The following LYST variants were observed in gnomAD, a reference collection of about 807,000 sequenced individuals.
LYST encodes the protein lysosomal trafficking regulator.
In LYST, 192 loss-of-function variants were observed where a neutral mutation model predicts 413.6. That is an observed-to-expected ratio of 0.46 (90% CI 0.41 to 0.52). The LOEUF is 0.52. Ranked by LOEUF, LYST falls within the 20% of genes least tolerant of loss-of-function variation. The pLI, the probability that LYST is intolerant of heterozygous loss-of-function variation, is 0.00. For synonymous variants in LYST, 1,525 were observed against 1,567.3 expected (o/e 0.97, Z 0.64); for missense variants, 3,815 against 4,499.9 (o/e 0.85, Z 4.35).
In LYST at chr1:235,806,296, T is replaced by G. The variant is rs752686730; in HGVS notation, c.2840A>C (p.Glu947Ala). The part of the protein sequence containing the change: ...LSHMLPCISL[E>A]SLVLPSPEHM... ...TTCAGGAGAAGGCAAGACAAGGCTCTCGAGAGATATACATGGCAGCATATG... is the reference window on the plus strand; with the variant it reads ...TTCAGGAGAAGGCAAGACAAGGCTCGCGAGAGATATACATGGCAGCATATG... The change falls in exon 6 of 53, where the codon GAG becomes GCG. Residue 947 changes from glutamate to alanine, a missense_variant. Physicochemically the swap from Glu to Ala is moderately radical, Grantham distance 107. Coordinates refer to ENST00000389793, the MANE Select transcript of LYST (RefSeq NM_000081.4). The G allele has an allele frequency of 6.2e-7, 1 of 1,614,062 alleles. No individual in the cohort carries two copies. The highest frequency in any genetic ancestry group is 8.5e-7 in the Non-Finnish European group (1 of 1,179,992).
At chr1:235,782,599 C>T (rs908430969) in intron 14 of LYST, among the ~76,000 whole-genome samples, 2 of 152,118 alleles carry the variant, frequency 1.3e-5, no homozygotes, top group Non-Finnish European at 2.9e-5. Context: ...AAGAGAGATA[C>T]CTGATGATCC....
chr1:235,867,104 GC>G (rs1414378531), upstream of LYST, among the ~76,000 whole-genome samples: 1 of 152,200 alleles, frequency 6.6e-6, no homozygotes. Context: ...GCGTGGAACT[GC>G]CGAGCCAATA....
At chr1:235,862,806 A>AACAAACAC (rs1249225236) in intron 1 of LYST, among the ~76,000 whole-genome samples, 5 of 121,536 alleles carry the variant, frequency 4.1e-5, no homozygotes, top group East Asian at 2.2e-4. Context: ...AAAACAAACA[A>AACAAACAC]ACACACACAC....
rs113076324 is a variant in LYST at position 235,741,818 on chromosome 1, T to A, written c.8152-190A>T. Among the ~76,000 whole-genome samples the A allele has an allele frequency of 3.0e-3, 459 of 152,268 alleles. 4 individuals carry two copies. Among genetic ancestry groups the A allele is most frequent in the African/African-American group, 0.011 (439 of 41,540 alleles). On this transcript the variant is annotated intron_variant, in intron 30 of 52. Transcript: ENST00000389793. ...AAAAGAGATGGGCATACAACATTCA[T>A]AGCAGCATCACTCAAAATAGCCAAA...
chr1:235,834,548 C>A (rs956767032), intron 1 of LYST, among the ~76,000 whole-genome samples: 3 of 151,994 alleles, frequency 2.0e-5, no homozygotes, highest in Non-Finnish European at 4.4e-5. Flanking sequence ...CAGGAGTGAT[C>A]TTTAATTACT....
intron 3 of LYST, among the ~76,000 whole-genome samples, chr1:235,818,173 A>AAAG (rs1327638041): frequency 6.6e-6 from 1 of 152,136 alleles, no homozygotes; most frequent in South Asian, 2.1e-4. Context: ...TTTAAAAAAG[A>AAAG]AAGAAGGAGA....
At chr1:235,836,527 G>A (rs1002798072) in intron 1 of LYST, among the ~76,000 whole-genome samples, 10 of 152,176 alleles carry the variant, frequency 6.6e-5, no homozygotes, top group South Asian at 2.1e-4. Context: ...GGAAACGTGC[G>A]TTCCAAGCCA....
chr1:235,724,059 C>G lies in LYST; in HGVS notation c.9284G>C (p.Arg3095Thr). 1 of 1,613,724 alleles carries G rather than the reference C, an allele frequency of 6.2e-7. No individual in the cohort carries two copies. The highest frequency in any genetic ancestry group is 8.5e-7 in the Non-Finnish European group (1 of 1,179,706). ...NAVEIFLTNGRTLLLAFDNTK... is the reference protein window; with the variant it reads ...NAVEIFLTNGTTLLLAFDNTK... Reference sequence around the variant, plus strand: ...GTTATCAAATGCCAACAGGAGTGTTCTGCCATTTGTTAGAAAGATTTCTAC... The same window carrying G: ...GTTATCAAATGCCAACAGGAGTGTTGTGCCATTTGTTAGAAAGATTTCTAC... Residue 3095 changes from arginine (R) to threonine (T), a missense_variant, in exon 39 of 53, where the codon AGA (arginine) becomes ACA (threonine). Arg to Thr is a moderately conservative substitution (Grantham distance 71, BLOSUM62 -1). Transcript: ENST00000389793.
In LYST at chr1:235,804,646, A is replaced by G. The variant is rs1672615076; in HGVS notation, c.3413T>C (p.Ile1138Thr). 1.2e-6 allele frequency: 2 copies of G among 1,606,196 alleles called. No individual in the cohort carries two copies. The highest frequency in any genetic ancestry group is 1.7e-6 in the Non-Finnish European group (2 of 1,173,538). Residue 1138 changes from isoleucine to threonine, a missense_variant, in exon 7 of 53, where the codon ATA (isoleucine) becomes ACA (threonine). This residue lies in a region of LYST where 1,648 missense variants were observed against 1,810.3 expected (regional missense o/e 0.91). Coordinates refer to ENST00000389793, the MANE Select transcript of LYST (RefSeq NM_000081.4). ...LPNQNLSVESILFEMRDHLSQ... is the reference protein window; with the variant it reads ...LPNQNLSVESTLFEMRDHLSQ... ...AAGATGGTCCCTCATTTCAAATAAT[A>G]TACTTTCCACAGACAAGTTCTAAGG...
intron 4 of LYST, among the ~76,000 whole-genome samples, chr1:235,811,258 G>A (rs1673424652): frequency 6.6e-6 from 1 of 152,154 alleles, no homozygotes; most frequent in Non-Finnish European, 1.5e-5. Context: ...CTGGTATTTA[G>A]TGCTGTTGTT....
At chr1:235,802,682 C>T (rs1472350455) in intron 8 of LYST, among the ~76,000 whole-genome samples, 1 of 152,184 alleles carries the variant, frequency 6.6e-6, no homozygotes, top group East Asian at 1.9e-4. Context: ...CTCTGTCCTT[C>T]ACTCCATGTT....
At chr1:235,769,812 G>A (rs565292899) in intron 20 of LYST, among the ~76,000 whole-genome samples, 1 of 152,104 alleles carries the variant, frequency 6.6e-6, no homozygotes, top group East Asian at 1.9e-4. Context: ...ATACATATTT[G>A]TAAATATTTA....
rs1658265190 is a variant in LYST, at chr1:235,664,414, C to A, written c.11195+51G>T. 6.5e-7 allele frequency: 1 copy of A among 1,546,186 alleles called. No individual in the cohort carries two copies. Among genetic ancestry groups the A allele is most frequent in the South Asian group, 1.1e-5 (1 of 89,664 alleles). On this transcript the variant is annotated intron_variant, in intron 51 of 52. Coordinates refer to ENST00000389793, the MANE Select transcript of LYST (RefSeq NM_000081.4). This position sits in a 1 kb window ranked among gnomAD's most constrained non-coding sequence, Gnocchi z 4.5. ...ATATTAAAAATTAATTTCTGAAACT[C>A]CTGTGTCCTTATGAATGAAATCAAA...
intron 10 of LYST, among the ~76,000 whole-genome samples, chr1:235,798,578 T>TAAAAAAAA (rs71174462): frequency 2.2e-4 from 18 of 81,700 alleles, no homozygotes; most frequent in Non-Finnish European, 2.9e-4. Context: ...AACCCTGTCA[T>TAAAAAAAA]AAAAAAAAAA....
rs776428824 is a variant in LYST, at chr1:235,806,578, T to C, written c.2558A>G (p.His853Arg). The change falls in exon 6 of 53, where the codon CAT becomes CGT. Residue 853 changes from histidine to arginine, a missense_variant. Physicochemically the swap from His to Arg is conservative, Grantham distance 29. This residue lies in a region of LYST where 1,648 missense variants were observed against 1,810.3 expected (regional missense o/e 0.91). Transcript: ENST00000389793. The part of the protein sequence containing the change: ...DIEQKELSSV[H>R]VGTSFHHQQA... ...CTGATGATGAAAAGAAGTACCCACA[T>C]GTACAGAGGACAACTCCTTCTGTTC... 3 of 1,614,102 alleles carry C rather than the reference T, an allele frequency of 1.9e-6. No individual in the cohort carries two copies. The highest frequency in any genetic ancestry group is 1.1e-5 in the South Asian group (1 of 91,084).
intron 31 of LYST, among the ~76,000 whole-genome samples, chr1:235,739,574 TACTA>T (rs1665152121): frequency 1.4e-5 from 2 of 143,398 alleles, no homozygotes; most frequent in East Asian, 2.0e-4. Flanking sequence ...CCAAGTGTCA[TACTA>T]ACTAAAACCC....
chr1:235,671,889 GA>G (rs1658971425), intron 50 of LYST, among the ~76,000 whole-genome samples: 1 of 152,226 alleles, frequency 6.6e-6, no homozygotes, highest in African/African-American at 2.4e-5. Context: ...AAAGATTAAA[GA>G]GGAAAGCAAA....
intron 21 of LYST, among the ~76,000 whole-genome samples, chr1:235,764,658 C>T (rs1332008980): frequency 6.6e-6 from 1 of 151,630 alleles, no homozygotes; most frequent in Non-Finnish European, 1.5e-5. Context: ...TGCCACCATG[C>T]CAGGCTAATT....
intron 43 of LYST, among the ~76,000 whole-genome samples, chr1:235,710,846 A>G (rs996250435): frequency 6.6e-6 from 1 of 152,206 alleles, no homozygotes; most frequent in African/African-American, 2.4e-5. Flanking sequence ...GTTGCCAAGT[A>G]GGACATCCAG....
Sources: allele counts gnomAD v4.1 joint callset (sites outside exome capture counted in the v4.1 genomes callset), GRCh38; gene constraint gnomAD v4.1.1; regional missense constraint gnomAD v4.1.1; non-coding constraint Gnocchi (gnomAD v3.1); transcripts MANE v1.5; gene names NCBI Gene and HGNC (gene_info 2026-07-23, HGNC 2026-07-21).